Variants in KIF13A observed in about 807,000 individuals in gnomAD.
KIF13A encodes the protein kinesin-like protein KIF13A.
KIF13A carries 79 observed loss-of-function variants against 212.2 expected under a neutral mutation model. The ratio of observed to expected loss-of-function variants is 0.37; its 90% CI spans 0.31 to 0.45. The LOEUF (loss-of-function observed/expected upper bound fraction) is 0.45. Among genes scored for constraint, KIF13A ranks in the 20% least tolerant of loss-of-function variants. The pLI is 1.00. For missense variants in KIF13A, 1,901 were observed against 2,209.0 expected (o/e 0.86, Z 2.79); for synonymous variants, 789 against 808.6 (o/e 0.98, Z 0.41).
chr6:17,834,353 C>A lies in KIF13A; in HGVS notation c.1156-282G>T, dbSNP rs994727058. On this transcript the variant is annotated intron_variant, in intron 11 of 38. Coordinates refer to ENST00000259711, the MANE Select transcript of KIF13A (RefSeq NM_022113.6). The surrounding 1 kb of genome is among the most constrained non-coding windows in gnomAD (Gnocchi z 4.0). ...TTCACATTTAAAGCCCTAAAAGATGCTAACGTTCAACTTTGAAATAGATAA... is the reference window on the plus strand; with the variant it reads ...TTCACATTTAAAGCCCTAAAAGATGATAACGTTCAACTTTGAAATAGATAA... Among the ~76,000 whole-genome samples the A allele has an allele frequency of 5.1e-4, 77 of 152,182 alleles. No homozygotes were observed. Among genetic ancestry groups the A allele is most frequent in the African/African-American group, 1.8e-3 (76 of 41,436 alleles).
chr6:17,814,877 C>T (rs78553298), intron 17 of KIF13A, among the ~76,000 whole-genome samples: 1 of 152,156 alleles, frequency 6.6e-6, no homozygotes, highest in Non-Finnish European at 1.5e-5. Context: ...TTTTTCTCCT[C>T]GTGTGTGGAG....
chr6:17,817,292 C>A, intron 16 of KIF13A, 59 bp from the exon 17 acceptor site: 1 of 1,454,492 alleles, frequency 6.9e-7, no homozygotes, highest in South Asian at 1.2e-5. Flanking sequence ...AGCATTCATG[C>A]CAGGCACTGC....
In KIF13A at chr6:17,843,918, G is replaced by A. The variant is rs1183731652; in HGVS notation, c.830+5459C>T. ...AAATTAACTGAGCGTGGTGGCGCAC[G>A]CCTATAATCCCAGCTACTCGGGAGG... On this transcript the variant is annotated intron_variant, in intron 9 of 38. Transcript: ENST00000259711. This position sits in a 1 kb window ranked among gnomAD's most constrained non-coding sequence, Gnocchi z 5.3. Among the ~76,000 whole-genome samples the A allele has an allele frequency of 6.6e-6, 1 of 151,846 alleles. No homozygotes were observed. The highest frequency in any genetic ancestry group is 1.5e-5 in the Non-Finnish European group (1 of 67,992).
chr6:17,974,688 C>T (rs1423760165), intron 2 of KIF13A, among the ~76,000 whole-genome samples: 1 of 152,024 alleles, frequency 6.6e-6, no homozygotes, highest in African/African-American at 2.4e-5. Context: ...GTCCAAGGTG[C>T]ACTACAGCCC....
chr6:17,808,590 C>T (rs1763177182), intron 18 of KIF13A, among the ~76,000 whole-genome samples, 178 bp downstream of exon 18: 1 of 152,102 alleles, frequency 6.6e-6, no homozygotes, highest in Non-Finnish European at 1.5e-5. Context: ...TATCTAAGAA[C>T]ATCATTTAAA....
At chr6:17,983,494 C>CTGCTT (rs1554128211) in intron 2 of KIF13A, among the ~76,000 whole-genome samples, 66 of 127,344 alleles carry the variant, frequency 5.2e-4, no homozygotes, top group African/African-American at 1.7e-3. Flanking sequence ...GCTGCTGCTG[C>CTGCTT]TTTTTTTTTT....
rs191498105 is a variant in KIF13A, at chr6:17,853,996, C to T, written c.494+1441G>A. ...TGTAGGTAGGCAGTTGTTTTTATTA[C>T]TCTTTATGCCTTACAGGTGTTATAA... On this transcript the variant is annotated intron_variant, in intron 6 of 38. Transcript: ENST00000259711. Among the ~76,000 whole-genome samples the T allele has an allele frequency of 1.3e-4, 20 of 152,110 alleles. 1 individual carries two copies. Among genetic ancestry groups the T allele is most frequent in the Admixed American group, 9.2e-4 (14 of 15,264 alleles).
chr6:17,836,814 C>G (rs946998035), intron 11 of KIF13A, 64 bp downstream of exon 11: 8 of 1,438,272 alleles, frequency 5.6e-6, no homozygotes, highest in Admixed American at 1.7e-5. Flanking sequence ...ATGAGCACAC[C>G]CTTGCCAGTC....
rs953410463 is a variant in KIF13A, at chr6:17,769,111, T to A, written c.4581+2003A>T. ...ATCATCTGAACTGAGTCACTCTGAT[T>A]GTTCAAGAGTGGAAGAGAAAAGAAC... On this transcript the variant is annotated intron_variant, in intron 38 of 38. Coordinates refer to ENST00000259711, the MANE Select transcript of KIF13A (RefSeq NM_022113.6). The surrounding 1 kb of genome is among the most constrained non-coding windows in gnomAD (Gnocchi z 5.8). 6.6e-6 allele frequency among the ~76,000 whole-genome samples: 1 copy of A among 152,344 alleles called. No homozygotes were observed. The highest frequency in any genetic ancestry group is 1.5e-5 in the Non-Finnish European group (1 of 68,022).
chr6:17,876,403 G>A (rs920620410), intron 3 of KIF13A, among the ~76,000 whole-genome samples: 1 of 152,016 alleles, frequency 6.6e-6, no homozygotes, highest in African/African-American at 2.4e-5. Context: ...TTTCATCTCT[G>A]TCCTTGTTCT....
intron 31 of KIF13A, among the ~76,000 whole-genome samples, chr6:17,780,157 C>G (rs2150306138): frequency 6.6e-6 from 1 of 152,294 alleles, no homozygotes; most frequent in Admixed American, 6.5e-5. Flanking sequence ...TGTCTCCAAC[C>G]CCAAGGGATA....
In KIF13A at chr6:17,834,582, A is replaced by G. The variant is rs1765757480; in HGVS notation, c.1156-511T>C. 6.6e-6 allele frequency among the ~76,000 whole-genome samples: 1 copy of G among 152,248 alleles called. No individual in the cohort carries two copies. The highest frequency in any genetic ancestry group is 1.5e-5 in the Non-Finnish European group (1 of 68,046). On this transcript the variant is annotated intron_variant, in intron 11 of 38. Transcript: ENST00000259711. The surrounding 1 kb of genome is among the most constrained non-coding windows in gnomAD (Gnocchi z 4.0). ...TGTTATTTATCATTATCATTCACCC[A>G]GAAGCAGCACAGCTGGCTAAAAAGG... is the stretch of plus-strand genomic sequence containing the variant.
intron 32 of KIF13A, 59 bp downstream of exon 32, chr6:17,779,533 A>T: frequency 1.3e-6 from 1 of 741,884 alleles, no homozygotes; most frequent in Non-Finnish European, 2.3e-6. Context: ...CGGCCTCTCA[A>T]AGTGCTGGGA....
rs1427610652 is a variant in KIF13A at position 17,918,965 on chromosome 6, C to A, written c.147-20785G>T. Among the ~76,000 whole-genome samples, 1 of 152,166 alleles carries A rather than the reference C, an allele frequency of 6.6e-6. No individual in the cohort carries two copies. The highest frequency in any genetic ancestry group is 1.9e-4 in the East Asian group (1 of 5,192). ...CCACGGAAAGAGAGGCTTTGTCTAT[C>A]TTGTTCTCTGATACATTCCCAGTGC... On this transcript the variant is annotated intron_variant, in intron 2 of 38. Transcript: ENST00000259711. The surrounding 1 kb of genome is among the most constrained non-coding windows in gnomAD (Gnocchi z 4.8).
chr6:17,966,851 C>A (rs1430025847), intron 2 of KIF13A, among the ~76,000 whole-genome samples: 2 of 151,918 alleles, frequency 1.3e-5, no homozygotes, highest in African/African-American at 4.8e-5. Flanking sequence ...ATACTCAAAG[C>A]GTATTATTTA....
intron 2 of KIF13A, among the ~76,000 whole-genome samples, chr6:17,929,051 G>T (rs377466442): frequency 7.0e-5 from 2 of 28,710 alleles, no homozygotes; most frequent in African/African-American, 1.6e-4. Context: ...CAAAAGAAAA[G>T]AATTTCTCAA....
In KIF13A at chr6:17,897,335, C is replaced by T. The variant is rs1386648405; in HGVS notation, c.159+833G>A. Among the ~76,000 whole-genome samples, 1 of 152,170 alleles carries T rather than the reference C, an allele frequency of 6.6e-6. No homozygotes were observed. Among genetic ancestry groups the T allele is most frequent in the Non-Finnish European group, 1.5e-5 (1 of 68,024 alleles). ...GGTAAAGCCTGTTCTAATCCTATCT[C>T]AAGAACCACAGCTATAATCAGTATC... On this transcript the variant is annotated intron_variant, in intron 3 of 38. Transcript: ENST00000259711. The surrounding 1 kb of genome is among the most constrained non-coding windows in gnomAD (Gnocchi z 4.8).
intron 16 of KIF13A, among the ~76,000 whole-genome samples, chr6:17,824,039 C>T (rs1456663931): frequency 1.3e-5 from 2 of 151,356 alleles, no homozygotes; most frequent in African/African-American, 4.9e-5. Context: ...TTCCGAGTAG[C>T]TAGGATTACA....
chr6:17,805,353 T>G, intron 19 of KIF13A, 122 bp downstream of exon 19: 1 of 859,658 alleles, frequency 1.2e-6, no homozygotes, highest in Non-Finnish European at 1.8e-6. Flanking sequence ...ATATCTAACG[T>G]ATCATGAGCA....
Sources: gnomAD v4.1 joint callset for allele counts (sites outside exome capture counted in the v4.1 genomes callset) on GRCh38, gnomAD v4.1.1 for gene constraint, Gnocchi (gnomAD v3.1) non-coding constraint, MANE v1.5 for transcripts, NCBI Gene and HGNC (gene_info 2026-07-23, HGNC 2026-07-21) for gene names.